The following PCYT1B variants were observed in gnomAD, a reference collection of about 807,000 sequenced individuals.
The protein encoded by PCYT1B is choline-phosphate cytidylyltransferase B.
Under a neutral mutation model 26.4 loss-of-function variants are expected in PCYT1B, and 10 were observed. That is an observed-to-expected ratio of 0.38 (90% CI 0.23 to 0.64). The LOEUF (loss-of-function observed/expected upper bound fraction) is 0.64, where lower values mean the gene tolerates loss of function less well. PCYT1B is among the 30% of genes least tolerant of loss of function. The probability of loss-of-function intolerance (pLI) is 0.56; values close to 1 mark genes in which losing one functional copy is unlikely to be tolerated. For missense variants in PCYT1B, 161 were observed against 292.7 expected (o/e 0.55, Z 3.28); for synonymous variants, 131 against 108.4 (o/e 1.21, Z -1.29).
intron 3 of PCYT1B, among the ~76,000 whole-genome samples, chrX:24,606,068 A>AG (rs1332148584): frequency 1.8e-5 from 2 of 108,899 alleles, no homozygotes; most frequent in East Asian, 2.9e-4. Flanking sequence ...AAAAAAAAAA[A>AG]AAAAAGAAAG....
chrX:24,597,408 C>G (rs902037290), intron 3 of PCYT1B, among the ~76,000 whole-genome samples: 2 of 112,044 alleles, frequency 1.8e-5, no homozygotes, highest in African/African-American at 6.5e-5. Flanking sequence ...AGGCATGAGC[C>G]ACCGCACCCA....
At chrX:24,632,909 T>C (rs181938880) in intron 1 of PCYT1B, among the ~76,000 whole-genome samples, 8 of 111,727 alleles carry the variant, frequency 7.2e-5, no homozygotes, top group East Asian at 2.8e-4. Flanking sequence ...ATTATATATT[T>C]CAAAATAGCT....
chrX:24,606,163 T>C (rs753096312), intron 3 of PCYT1B, among the ~76,000 whole-genome samples: 11 of 110,149 alleles, frequency 1.0e-4, no homozygotes, highest in Non-Finnish European at 2.1e-4. Context: ...GACTGCCTCC[T>C]CCAATTTACA....
intron 3 of PCYT1B, among the ~76,000 whole-genome samples, chrX:24,606,636 G>A (rs953116788): frequency 8.9e-6 from 1 of 112,209 alleles, no homozygotes; most frequent in African/African-American, 3.2e-5. Flanking sequence ...GGCTGAGGTG[G>A]GTGGATCACC....
At chrX:24,636,379 G>A (rs1257480629) in intron 1 of PCYT1B, among the ~76,000 whole-genome samples, 2 of 112,338 alleles carry the variant, frequency 1.8e-5, no homozygotes, top group Admixed American at 9.5e-5. Context: ...TTGGGAGGCC[G>A]AGGCAGGTGG....
At chrX:24,587,556 T>C (rs1924410385) in intron 4 of PCYT1B, among the ~76,000 whole-genome samples, 1 of 111,949 alleles carries the variant, frequency 8.9e-6, no homozygotes, top group South Asian at 3.8e-4. Flanking sequence ...GGTCCCTCTT[T>C]CTTGTCCTAC....
intron 2 of PCYT1B, among the ~76,000 whole-genome samples, chrX:24,616,255 A>T (rs1336321252): frequency 1.1e-4 from 4 of 36,725 alleles, no homozygotes; most frequent in South Asian, 1.3e-3. Flanking sequence ...TTTTTTTTAA[A>T]AAAACAGAGT....
At chrX:24,661,124 C>G in intron 1 of PCYT1B, among the ~76,000 whole-genome samples, 1 of 112,114 alleles carries the variant, frequency 8.9e-6, no homozygotes, top group South Asian at 3.7e-4. Flanking sequence ...GTTTAAGCAT[C>G]AATAAGGATA....
At chrX:24,571,583 T>C (rs1004164272) in intron 7 of PCYT1B, among the ~76,000 whole-genome samples, 3 of 110,045 alleles carry the variant, frequency 2.7e-5, no homozygotes, top group African/African-American at 9.9e-5. Context: ...TTGGCATCCT[T>C]AATGTCAAAT....
At chrX:24,590,927 G>T (rs772834250) in intron 3 of PCYT1B, among the ~76,000 whole-genome samples, 6 of 108,711 alleles carry the variant, frequency 5.5e-5, no homozygotes, top group Non-Finnish European at 1.1e-4. Context: ...CTGAGTAGCT[G>T]GGACTACAGG....
chrX:24,583,733 T>C (rs1163646723), intron 5 of PCYT1B, among the ~76,000 whole-genome samples: 1 of 111,893 alleles, frequency 8.9e-6, no homozygotes, highest in Non-Finnish European at 1.9e-5. Flanking sequence ...AAGGAACTAC[T>C]GCCCCCAGGA....
intron 1 of PCYT1B, among the ~76,000 whole-genome samples, chrX:24,658,804 A>G (rs1163847713): frequency 8.9e-6 from 1 of 112,147 alleles, no homozygotes; most frequent in Non-Finnish European, 1.9e-5. Flanking sequence ...GGAAATTACA[A>G]TGTAGACATC....
At chrX:24,648,861 A>G (rs1402665023), upstream of PCYT1B, among the ~76,000 whole-genome samples, 2 of 111,325 alleles carry the variant, frequency 1.8e-5, no homozygotes, top group Non-Finnish European at 3.8e-5. Flanking sequence ...CATCACAGAA[A>G]GGAGATCAAA....
intron 1 of PCYT1B, among the ~76,000 whole-genome samples, chrX:24,641,370 C>G (rs1288485378): frequency 8.9e-6 from 1 of 112,431 alleles, no homozygotes; most frequent in Admixed American, 9.4e-5. Flanking sequence ...CTTATTAACT[C>G]TCATCTAGAT....
At chrX:24,640,922 C>G (rs1926446322) in intron 1 of PCYT1B, among the ~76,000 whole-genome samples, 1 of 111,409 alleles carries the variant, frequency 9.0e-6, no homozygotes, top group Admixed American at 9.6e-5. Flanking sequence ...AGAAAACAAA[C>G]TGTGCCTTCC....
chrX:24,629,341 A>C (rs1317536968), intron 1 of PCYT1B, among the ~76,000 whole-genome samples: 1 of 109,268 alleles, frequency 9.2e-6, no homozygotes, highest in Non-Finnish European at 1.9e-5. Flanking sequence ...AGAGGCAGGC[A>C]GATCGCCTGA....
intron 1 of PCYT1B, among the ~76,000 whole-genome samples, chrX:24,634,027 G>A (rs1286567352): frequency 1.8e-5 from 2 of 110,863 alleles, no homozygotes; most frequent in African/African-American, 3.3e-5. Context: ...AAGTACAAGC[G>A]ATCCTCTTGC....
chrX:24,609,778 T>C (rs1196342205), intron 2 of PCYT1B, among the ~76,000 whole-genome samples: 1 of 111,329 alleles, frequency 9.0e-6, no homozygotes, highest in Non-Finnish European at 1.9e-5. Flanking sequence ...GTTTTCTTTA[T>C]AAGCTGGGAG....
chrX:24,613,950 C>CA (rs200062439), intron 2 of PCYT1B, among the ~76,000 whole-genome samples: 1,578 of 76,715 alleles, frequency 0.021, 32 homozygotes, highest in Non-Finnish European at 0.022. Context: ...AACAACCTGT[C>CA]AAAAAAAAAA....
Sources: allele counts gnomAD v4.1 joint callset (sites outside exome capture counted in the v4.1 genomes callset), GRCh38; gene constraint gnomAD v4.1.1; transcripts MANE v1.5; gene names NCBI Gene and HGNC (gene_info 2026-07-23, HGNC 2026-07-21).